The following KMT2C variants were observed in gnomAD, a reference collection of about 807,000 sequenced individuals.
The protein encoded by KMT2C is histone-lysine N-methyltransferase 2C.
Under a neutral mutation model 507.9 loss-of-function variants are expected in KMT2C, and 88 were observed. The ratio of observed to expected loss-of-function variants is 0.17; its 90% confidence interval spans 0.15 to 0.21. The LOEUF is 0.21. Ranked by LOEUF, KMT2C falls within the 10% of genes least tolerant of loss-of-function variation. KMT2C has a pLI of 1.00. For missense variants in KMT2C, 4,954 were observed against 5,957.8 expected, an observed-to-expected ratio of 0.83 and a Z score of 5.55; for synonymous variants, 2,049 against 2,080.8, an observed-to-expected ratio of 0.98 and a Z score of 0.42.
intron 42 of KMT2C, 66 bp from the exon 43 acceptor site, chr7:152,163,892 T>G: frequency 6.8e-7 from 1 of 1,480,076 alleles, no homozygotes; most frequent in Non-Finnish European, 9.4e-7. Context: ...AAACACTGGC[T>G]GATGACTGTG....
chr7:152,380,618 T>C (rs2097365765), intron 1 of KMT2C, among the ~76,000 whole-genome samples: 1 of 150,968 alleles, frequency 6.6e-6, no homozygotes, highest in Non-Finnish European at 1.5e-5. Flanking sequence ...CGCACCTGTA[T>C]TCCCAGCTAC....
rs201156520 is a variant in KMT2C at position 152,162,155 on chromosome 7, T to C, written c.11422A>G (p.Asn3808Asp). ...ICSEDDCTKD[N>D]KLVEKQNPAE... ...GGGTTCTGCTTCTCAACTAGTTTATTATCCTTTGTACAGTCATCTTCTGAA... is the reference window on the plus strand; with the variant it reads ...GGGTTCTGCTTCTCAACTAGTTTATCATCCTTTGTACAGTCATCTTCTGAA... The change falls in exon 43 of 59, where the codon AAT becomes GAT. Residue 3808 changes from asparagine (N) to aspartate (D), a missense_variant. Coordinates refer to ENST00000262189, the MANE Select transcript of KMT2C (RefSeq NM_170606.3). 2.3e-5 allele frequency: 37 copies of C among 1,591,304 alleles called. No individual in the cohort carries two copies. The highest frequency in any genetic ancestry group is 2.8e-5 in the Non-Finnish European group (33 of 1,171,156).
chr7:152,265,139 A>C lies in KMT2C; in HGVS notation c.1083T>G (p.Thr361=), dbSNP rs1482209937. ...ACATTCCATGATAGTGCTGACCACA[A>C]GTAGTACAAAAGAACTGATCTAAGA... ...GDLLDQFFCT[T]CGQHYHGMCL... The change falls in exon 8 of 59, where the codon ACT becomes ACG. Residue 361 remains threonine (T), a synonymous_variant. Coordinates refer to ENST00000262189, the MANE Select transcript of KMT2C (RefSeq NM_170606.3). 1 of 1,613,850 alleles carries C rather than the reference A, an allele frequency of 6.2e-7. No individual in the cohort carries two copies. Among genetic ancestry groups the C allele is most frequent in the Non-Finnish European group, 8.5e-7 (1 of 1,179,828 alleles).
intron 2 of KMT2C, among the ~76,000 whole-genome samples, chr7:152,341,471 GA>G (rs1456927163): frequency 6.6e-6 from 1 of 152,054 alleles, no homozygotes; most frequent in Admixed American, 6.6e-5. Context: ...AACTACAAAA[GA>G]AAAAAGCTCA....
At chr7:152,190,078 T>C (rs751800932) in intron 31 of KMT2C, among the ~76,000 whole-genome samples, 1 of 152,330 alleles carries the variant, frequency 6.6e-6, no homozygotes, top group Non-Finnish European at 1.5e-5. Context: ...GAGAATCTAA[T>C]GCCTCATGAT....
At chr7:152,392,495 G>A (rs187814763) in intron 1 of KMT2C, among the ~76,000 whole-genome samples, 3 of 152,238 alleles carry the variant, frequency 2.0e-5, no homozygotes, top group Admixed American at 1.3e-4. Context: ...AAGTAAAAAT[G>A]AAGGGCTATG....
At chr7:152,186,345 T>G (rs534439825) in intron 33 of KMT2C, among the ~76,000 whole-genome samples, 1 of 152,290 alleles carries the variant, frequency 6.6e-6, no homozygotes, top group South Asian at 2.1e-4. Flanking sequence ...AAGGACAATT[T>G]GTGCTGACAC....
In KMT2C at chr7:152,325,427, C is replaced by T. The variant is rs560614581; in HGVS notation, c.389+5174G>A. Among the ~76,000 whole-genome samples, 9 of 151,226 alleles carry T rather than the reference C, an allele frequency of 6.0e-5. No individual in the cohort carries two copies. In the East Asian group the frequency reaches 7.8e-4, roughly 13 times the overall value. On this transcript the variant is annotated intron_variant, in intron 3 of 58. Transcript: ENST00000262189. ...CCTCCCAAAGGGCTGGGATTACAGG[C>T]ATGAGCCACCGCACCCGGCCCCTTT...
chr7:152,138,488 G>C lies in KMT2C; in HGVS notation c.14643+308C>G. 1 of 239,162 alleles carries C rather than the reference G, an allele frequency of 4.2e-6. No individual in the cohort carries two copies. Among genetic ancestry groups the C allele is most frequent in the East Asian group, 1.1e-4 (1 of 8,936 alleles). The allele number at this position is 239,162 out of a possible 1,614,324, so 14.8% of individuals were successfully genotyped here. ...CACTGCCAAACTGTGTCCAGGTTAA[G>C]GGGATAAAGAAGGATCCTATGGCAC... On this transcript the variant is annotated intron_variant, in intron 58 of 58. Transcript: ENST00000262189. This position sits in a 1 kb window ranked among gnomAD's most constrained non-coding sequence, Gnocchi z 4.2.
Position 152,160,440 on chromosome 7 carries a change from C to A in KMT2C, c.11461-1368G>T, listed in dbSNP as rs376508668. On this transcript the variant is annotated intron_variant, in intron 43 of 58. Coordinates refer to ENST00000262189, the MANE Select transcript of KMT2C (RefSeq NM_170606.3). ...AGCTTTGAGAATCACCTGCCTAGAGCAGTACTTCTCCCCTTCAGATGCTCA... is the reference window on the plus strand; with the variant it reads ...AGCTTTGAGAATCACCTGCCTAGAGAAGTACTTCTCCCCTTCAGATGCTCA... Among the ~76,000 whole-genome samples, 46 of 152,174 alleles carry A rather than the reference C, an allele frequency of 3.0e-4. No individual in the cohort carries two copies. In the East Asian group the frequency reaches 7.1e-3, roughly 24 times the overall value.
At position 152,146,718 on chromosome 7, in the gene KMT2C, A is replaced by C; in HGVS notation, c.13912T>G (p.Leu4638Val). The change falls in exon 53 of 59, where the codon TTG becomes GTG. Residue 4638 changes from leucine to valine, a missense_variant. Leu to Val is a conservative substitution (Grantham distance 32, BLOSUM62 1). Transcript: ENST00000262189. ...TTTCTCACACATGCCACAGGCTCCA[A>C]AATCTTATCCCAGACACCTACACAG... ...ISPKGVWDKILEPVACVRKKS... is the reference protein window; with the variant it reads ...ISPKGVWDKIVEPVACVRKKS... 6.2e-7 allele frequency: 1 copy of C among 1,614,004 alleles called. No individual in the cohort carries two copies. Among genetic ancestry groups the C allele is most frequent in the Non-Finnish European group, 8.5e-7 (1 of 1,179,914 alleles).
At chr7:152,139,011 C>T (rs2090203276) in intron 57 of KMT2C, 107 bp from the exon 58 acceptor site, 11 of 1,040,150 alleles carry the variant, frequency 1.1e-5, no homozygotes, top group Admixed American at 1.9e-5. Flanking sequence ...TTTCTATTTG[C>T]CCATTGTTAG....
intron 23 of KMT2C, among the ~76,000 whole-genome samples, chr7:152,217,042 A>G (rs192315380): frequency 6.6e-6 from 1 of 152,214 alleles, no homozygotes; most frequent in African/African-American, 2.4e-5. Context: ...AAATTTGCCT[A>G]AAAACACCCA....
At chr7:152,268,421 T>C (rs2095898055) in intron 7 of KMT2C, among the ~76,000 whole-genome samples, 1 of 152,218 alleles carries the variant, frequency 6.6e-6, no homozygotes, top group South Asian at 2.1e-4. Context: ...CTGTGAATCC[T>C]TGAAGGACAG....
Position 152,149,066 on chromosome 7 carries a change from C to A in KMT2C, c.12861G>T (p.Leu4287Phe), listed in dbSNP as rs2091390927. The change falls in exon 52 of 59, where the codon TTG (leucine) becomes TTT (phenylalanine). Residue 4287 changes from leucine to phenylalanine, a missense_variant. Leu to Phe is a conservative substitution (Grantham distance 22). This residue lies in a region of KMT2C where 417 missense variants were observed against 461.1 expected (regional missense o/e 0.90). Transcript: ENST00000262189. ...FHQYSNNIST[L>F]DVHCLPQLPE... is the part of the protein sequence containing the mutation. ...GGAGCTGGGGGAGACAGTGCACATC[C>A]AAAGTGGAGATGTTGTTGCTGTACT... 2 of 1,524,416 alleles carry A rather than the reference C, an allele frequency of 1.3e-6. No homozygotes were observed. Among genetic ancestry groups the A allele is most frequent in the Non-Finnish European group, 1.8e-6 (2 of 1,140,050 alleles). 94.4% of individuals were successfully genotyped at this position (1,524,416 alleles called of 1,614,324 possible).
At chr7:152,314,407 C>G (rs1240852518) in intron 4 of KMT2C, among the ~76,000 whole-genome samples, 6 of 152,168 alleles carry the variant, frequency 3.9e-5, no homozygotes, top group Admixed American at 1.3e-4. Context: ...ACCAGCACAG[C>G]CAAGTCTCCA....
At chr7:152,423,138 C>T (rs1025225190) in intron 1 of KMT2C, among the ~76,000 whole-genome samples, 2 of 151,770 alleles carry the variant, frequency 1.3e-5, no homozygotes, top group African/African-American at 4.8e-5. Flanking sequence ...GTCAGGAGTT[C>T]GTACCAACCT....
Position 152,181,047 on chromosome 7 carries a change from T to G in KMT2C, c.6813A>C (p.Thr2271=), listed in dbSNP as rs139996878. The change falls in exon 36 of 59, where the codon ACA becomes ACC. Residue 2271 remains threonine, a synonymous_variant. Transcript: ENST00000262189. ...CAGGGGGCCTAGGTGTCTGGGAACA[T>G]GTATCAGGTGGCCTTACCAACGGGC... ...LPGPLVRPPD[T]CSQTPRPPGP... The G allele has an allele frequency of 6.2e-7, 1 of 1,614,120 alleles. No individual in the cohort carries two copies.
Position 152,383,808 on chromosome 7 carries a change from T to C in KMT2C, c.162-25133A>G, listed in dbSNP as rs1324828244. 2.0e-5 allele frequency among the ~76,000 whole-genome samples: 3 copies of C among 152,284 alleles called. No individual in the cohort carries two copies. In the East Asian group the frequency reaches 5.8e-4, roughly 29 times the overall value. The stretch of plus-strand genomic sequence containing the variant: ...AGAGGGTTGTCACACTAATGAATTC[T>C]GAGAATAGTGCCTGGTACTACAGTT... On this transcript the variant is annotated intron_variant, in intron 1 of 58. Transcript: ENST00000262189.
Sources: gnomAD v4.1 joint callset for allele counts (sites outside exome capture counted in the v4.1 genomes callset) on GRCh38, gnomAD v4.1.1 for gene constraint, gnomAD v4.1.1 regional missense constraint, Gnocchi (gnomAD v3.1) non-coding constraint, MANE v1.5 for transcripts, NCBI Gene and HGNC (gene_info 2026-07-23, HGNC 2026-07-21) for gene names.